The following SPNS3 variants were observed in gnomAD, a reference collection of about 807,000 sequenced individuals.
SPNS3 encodes the protein protein spinster homolog 3.
In SPNS3, 51 loss-of-function variants were observed where a neutral mutation model predicts 54.4. The observed-to-expected ratio is 0.94, with a 90% confidence interval of 0.75 to 1.18. SPNS3 has a LOEUF of 1.18. SPNS3 is among the 50% of genes most tolerant of loss of function. The pLI is 0.00. For synonymous variants in SPNS3, 309 were observed against 294.7 expected (o/e 1.05, Z -0.50); for missense variants, 669 against 677.4 (o/e 0.99, Z 0.14).
intron 2 of SPNS3, among the ~76,000 whole-genome samples, chr17:4,444,318 G>A (rs1020602895): frequency 5.3e-5 from 8 of 151,484 alleles, no homozygotes; most frequent in Non-Finnish European, 8.8e-5. Context: ...AGGTTCAAAC[G>A]ATTCTTGTGC....
At chr17:4,481,431 C>T (rs1262219986) in intron 9 of SPNS3, among the ~76,000 whole-genome samples, 1 of 152,038 alleles carries the variant, frequency 6.6e-6, no homozygotes, top group Non-Finnish European at 1.5e-5. Context: ...GGGAGGAGGC[C>T]TTAGGGTGTG....
At chr17:4,450,354 C>CTCT (rs113589228) in intron 7 of SPNS3, among the ~76,000 whole-genome samples, 34,937 of 122,148 alleles carry the variant, frequency 0.29, 5,437 homozygotes, top group African/African-American at 0.39. Context: ...CCTCTCCCCT[C>CTCT]CTCTCTCTCT....
intron 11 of SPNS3, 118 bp from the exon 12 acceptor site, chr17:4,487,688 G>A (rs1250722816): frequency 1.1e-6 from 1 of 894,202 alleles, no homozygotes; most frequent in Non-Finnish European, 1.8e-6. Context: ...GTTGGATCTG[G>A]AATGTATTCT....
In SPNS3 at chr17:4,434,085, C is replaced by T. The variant is rs1195934411; in HGVS notation, c.118C>T (p.Pro40Ser). ...CATCACGCCCACCTCCTGGAGCCTG[C>T]CCCCGTGGAGGGCCTACGTGGCTGC... ...PPITPTSWSL[P>S]PWRAYVAAAV... The change falls in exon 1 of 12, where the codon CCC becomes TCC. Residue 40 changes from proline to serine, a missense_variant. Coordinates refer to ENST00000355530, the MANE Select transcript of SPNS3 (RefSeq NM_182538.5). The T allele has an allele frequency of 3.1e-6, 5 of 1,611,916 alleles. No homozygotes were observed. Among genetic ancestry groups the T allele is most frequent in the East Asian group, 2.2e-5 (1 of 44,704 alleles).
At chr17:4,435,338 C>G (rs62066149) in intron 1 of SPNS3, among the ~76,000 whole-genome samples, 7,656 of 150,620 alleles carry the variant, frequency 0.051, 240 homozygotes, top group East Asian at 0.12. Flanking sequence ...CAGAGAATTG[C>G]TTGAACCTGG....
Position 4,487,802 on chromosome 17 carries a change from G to T in SPNS3, c.1451-4G>T, listed in dbSNP as rs775360048. ...GGGCAGGCTGAGCATCTTTCCTCCT[G>T]CAGGGACCCCAGACAGCAATGATGT... On this transcript the variant is annotated splice_polypyrimidine_tract_variant and splice_region_variant and intron_variant, in intron 11 of 11. Coordinates refer to ENST00000355530, the MANE Select transcript of SPNS3 (RefSeq NM_182538.5). 3.7e-5 allele frequency: 59 copies of T among 1,613,774 alleles called. No individual in the cohort carries two copies. Among genetic ancestry groups the T allele is most frequent in the Middle Eastern group, 1.6e-4 (1 of 6,084 alleles).
chr17:4,478,714 G>A, intron 9 of SPNS3, 77 bp downstream of exon 9: 1 of 1,456,824 alleles, frequency 6.9e-7, no homozygotes, highest in South Asian at 1.2e-5. Context: ...GAGCAGCTGG[G>A]CACTGGCGGC....
intron 7 of SPNS3, among the ~76,000 whole-genome samples, chr17:4,450,966 C>G (rs1200647449): frequency 2.6e-5 from 4 of 151,956 alleles, no homozygotes; most frequent in Non-Finnish European, 4.4e-5. Flanking sequence ...CTGGGAGGGC[C>G]CTGTGTGGAT....
chr17:4,436,828 G>A (rs1597297600), intron 1 of SPNS3, among the ~76,000 whole-genome samples: 1 of 152,354 alleles, frequency 6.6e-6, no homozygotes, highest in East Asian at 1.9e-4. Flanking sequence ...GGCCAAAGCT[G>A]AGGAGGCCTG....
chr17:4,482,757 G>C (rs1386909482), intron 9 of SPNS3, among the ~76,000 whole-genome samples: 2 of 152,086 alleles, frequency 1.3e-5, no homozygotes, highest in African/African-American at 4.8e-5. Context: ...ACCTAGTCAT[G>C]AGGTCTTCAG....
intron 11 of SPNS3, 137 bp from the exon 12 acceptor site, chr17:4,487,669 T>G: frequency 1.3e-6 from 1 of 787,388 alleles, no homozygotes; most frequent in South Asian, 1.6e-5. Flanking sequence ...TTGAAGGTGA[T>G]GACAAGGGGT....
chr17:4,452,753 A>G (rs1036572341), intron 7 of SPNS3, among the ~76,000 whole-genome samples: 1 of 151,840 alleles, frequency 6.6e-6, no homozygotes, highest in African/African-American at 2.4e-5. Flanking sequence ...GATCACCCAC[A>G]TGGCCAGTGG....
At chr17:4,440,198 C>T (rs1257376388) in intron 2 of SPNS3, among the ~76,000 whole-genome samples, 2 of 152,188 alleles carry the variant, frequency 1.3e-5, no homozygotes, top group Non-Finnish European at 2.9e-5. Context: ...CAGCCTGACA[C>T]CCAGCAGCAG....
intron 8 of SPNS3, among the ~76,000 whole-genome samples, chr17:4,460,066 T>C (rs1057460045): frequency 2.6e-5 from 4 of 152,056 alleles, no homozygotes; most frequent in African/African-American, 9.7e-5. Flanking sequence ...GTGTTCCAGG[T>C]AGAGGGAACA....
At chr17:4,482,892 G>A (rs530890256) in intron 9 of SPNS3, among the ~76,000 whole-genome samples, 9 of 152,310 alleles carry the variant, frequency 5.9e-5, no homozygotes, top group East Asian at 5.8e-4. Flanking sequence ...CCAGGGGCAC[G>A]ATCTCTGGAT....
intron 1 of SPNS3, among the ~76,000 whole-genome samples, chr17:4,439,273 G>A (rs192187352): frequency 4.6e-4 from 70 of 152,074 alleles, no homozygotes; most frequent in East Asian, 4.3e-3. Context: ...ACAGGCGCCC[G>A]CCACCACGTC....
rs1413694695 is a variant in SPNS3 at position 4,458,588 on chromosome 17, C to CCTTCCTTCCTTTCTTT, written c.1113+5386_1113+5387insCCTTCCTTTCTTTCTT. ...TCCCTCCTTTCTTTCTTCCTTCCCT[C>CCTTCCTTCCTTTCTTT]CTTTCTTTCTTTCTTTCTTTCTTTC... On this transcript the variant is annotated intron_variant, in intron 8 of 11. Transcript: ENST00000355530. Among the ~76,000 whole-genome samples, 213 of 59,312 alleles carry CCTTCCTTCCTTTCTTT rather than the reference C, an allele frequency of 3.6e-3. 11 individuals carry two copies. Among genetic ancestry groups the CCTTCCTTCCTTTCTTT allele is most frequent in the African/African-American group, 0.011 (186 of 16,440 alleles). The allele number at this position is 59,312 out of a possible 152,430, so 38.9% of individuals were successfully genotyped here. A position where few individuals can be genotyped will look rare whatever the true frequency, so the allele number is the denominator to read the frequency against.
chr17:4,450,303 TTCTC>T (rs1398507694), intron 7 of SPNS3, among the ~76,000 whole-genome samples: 1 of 147,152 alleles, frequency 6.8e-6, no homozygotes, highest in African/African-American at 2.5e-5. Context: ...CTCTCCTTCC[TTCTC>T]TCTTTCTTTC....
chr17:4,452,939 T>TGG, intron 7 of SPNS3, 77 bp from the exon 8 acceptor site: 1 of 1,430,766 alleles, frequency 7.0e-7, no homozygotes, highest in Non-Finnish European at 9.6e-7. Flanking sequence ...GGGCTAGACC[T>TGG]GGGGCTGGGA....
Sources: allele counts gnomAD v4.1 joint callset (sites outside exome capture counted in the v4.1 genomes callset), GRCh38; gene constraint gnomAD v4.1.1; transcripts MANE v1.5; gene names NCBI Gene and HGNC (gene_info 2026-07-23, HGNC 2026-07-21).